Variants in ARMC2 observed in about 807,000 individuals in gnomAD.
The protein encoded by ARMC2 is armadillo repeat containing 2, also known as armadillo repeat-containing protein 2.
ARMC2 carries 67 observed loss-of-function variants against 90.3 expected under a neutral mutation model. That is an observed-to-expected ratio of 0.74 (90% CI 0.61 to 0.91). The LOEUF (loss-of-function observed/expected upper bound fraction) is 0.91, where lower values mean the gene tolerates loss of function less well. Among genes scored for constraint, ARMC2 ranks in the 40% least tolerant of loss-of-function variants. The pLI is 0.00. For synonymous variants in ARMC2, 393 were observed against 393.0 expected (o/e 1.00, Z 0.00); for missense variants, 920 against 1,030.9 (o/e 0.89, Z 1.47).
At chr6:108,918,653 C>G (rs1239465857) in intron 10 of ARMC2, among the ~76,000 whole-genome samples, 1 of 152,170 alleles carries the variant, frequency 6.6e-6, no homozygotes, top group Middle Eastern at 3.2e-3. Context: ...GTGAGGATAG[C>G]ACCGCACTGG....
chr6:108,896,160 T>C (rs1361762172), intron 6 of ARMC2, among the ~76,000 whole-genome samples: 1 of 152,238 alleles, frequency 6.6e-6, no homozygotes, highest in African/African-American at 2.4e-5. Flanking sequence ...ATTTTACATT[T>C]ACGTGCTAAA....
intron 1 of ARMC2, among the ~76,000 whole-genome samples, chr6:108,853,243 T>C (rs1226934113): frequency 6.6e-6 from 1 of 152,170 alleles, no homozygotes; most frequent in Non-Finnish European, 1.5e-5. Flanking sequence ...GAAACAAATG[T>C]TCTTATTGTC....
At chr6:109,016,291 A>G in the ARMC2 span, among the ~76,000 whole-genome samples, 1 of 152,146 alleles carries the variant, frequency 6.6e-6, no homozygotes, top group African/African-American at 2.4e-5. Flanking sequence ...TGCCTTCCCT[A>G]TCCATGCCTC....
the ARMC2 span, among the ~76,000 whole-genome samples, chr6:109,039,264 A>G: frequency 6.6e-6 from 1 of 152,208 alleles, no homozygotes. Context: ...AATTTTGCCT[A>G]CTTCACAAAT....
At chr6:108,960,825 G>A (rs576040974) in intron 13 of ARMC2, among the ~76,000 whole-genome samples, 4 of 152,314 alleles carry the variant, frequency 2.6e-5, no homozygotes, top group African/African-American at 7.2e-5. Flanking sequence ...GCAGGGGCAT[G>A]CTGGCATATT....
At chr6:109,028,998 GTTCAC>G in the ARMC2 span, among the ~76,000 whole-genome samples, 1 of 152,124 alleles carries the variant, frequency 6.6e-6, no homozygotes, top group Non-Finnish European at 1.5e-5. Flanking sequence ...AGTCTAAATT[GTTCAC>G]TTCATAAGTA....
rs977696265 is a variant in ARMC2 at position 108,889,523 on chromosome 6, C to T, written c.672-4944C>T. Among the ~76,000 whole-genome samples the T allele has an allele frequency of 5.3e-5, 8 of 150,434 alleles. No individual in the cohort carries two copies. In the East Asian group the frequency reaches 5.9e-4, roughly 11 times the overall value. ...TGGCACAATCACAGCTCACTGCAGC[C>T]TCGACCTTCTGGGCTCAAGCGATCC... On this transcript the variant is annotated intron_variant, in intron 5 of 17. Transcript: ENST00000392644.
chr6:109,034,516 T>C, the ARMC2 span, among the ~76,000 whole-genome samples: 6 of 152,216 alleles, frequency 3.9e-5, no homozygotes, highest in Non-Finnish European at 1.5e-5. Context: ...TAGAAATGTG[T>C]AGTTTCCCTA....
intron 12 of ARMC2, among the ~76,000 whole-genome samples, chr6:108,948,678 GCTT>G (rs956672664): frequency 6.6e-6 from 1 of 151,684 alleles, no homozygotes; most frequent in African/African-American, 2.4e-5. Flanking sequence ...ACAGCCTAGA[GCTT>G]CTTCTTCTGC....
chr6:109,022,475 T>C, the ARMC2 span, among the ~76,000 whole-genome samples: 1 of 130,032 alleles, frequency 7.7e-6, no homozygotes, highest in Non-Finnish European at 1.5e-5. Flanking sequence ...CAGGCTGGAG[T>C]GCAGTGGCGC....
chr6:108,913,450 A>G (rs2128473442), intron 10 of ARMC2, among the ~76,000 whole-genome samples: 1 of 152,340 alleles, frequency 6.6e-6, no homozygotes, highest in East Asian at 1.9e-4. Flanking sequence ...TTTAGTCATC[A>G]ATGATGCACA....
chr6:109,017,379 G>A, the ARMC2 span, among the ~76,000 whole-genome samples: 2 of 152,036 alleles, frequency 1.3e-5, no homozygotes, highest in African/African-American at 2.4e-5. Context: ...TCCACTGCCC[G>A]GGTTCACACC....
intron 3 of ARMC2, among the ~76,000 whole-genome samples, chr6:108,861,626 C>T (rs1044024122): frequency 7.9e-5 from 12 of 152,162 alleles, no homozygotes; most frequent in Admixed American, 3.9e-4. Flanking sequence ...ATAGCAAGCA[C>T]GAACCAATAT....
chr6:109,042,137 T>TA, the ARMC2 span, among the ~76,000 whole-genome samples: 1 of 151,996 alleles, frequency 6.6e-6, no homozygotes, highest in African/African-American at 2.4e-5. Context: ...CGGGGAGATT[T>TA]AAAAAATATA....
the ARMC2 span, among the ~76,000 whole-genome samples, chr6:109,021,939 A>G: frequency 6.6e-6 from 1 of 152,180 alleles, no homozygotes; most frequent in South Asian, 2.1e-4. Context: ...CATATACTAT[A>G]TCTAAAGGAT....
the ARMC2 span, among the ~76,000 whole-genome samples, chr6:108,979,836 G>T: frequency 6.6e-6 from 1 of 151,668 alleles, no homozygotes; most frequent in Non-Finnish European, 1.5e-5. Context: ...GTGTTTTTCA[G>T]TTCCATCAGG....
At chr6:108,934,710 T>C (rs937733550) in intron 11 of ARMC2, among the ~76,000 whole-genome samples, 3 of 152,238 alleles carry the variant, frequency 2.0e-5, no homozygotes, top group Admixed American at 6.5e-5. Flanking sequence ...TCATTTCTAC[T>C]TGGTTCAGTT....
At chr6:108,867,255 A>G (rs1775910115) in intron 3 of ARMC2, among the ~76,000 whole-genome samples, 1 of 152,190 alleles carries the variant, frequency 6.6e-6, no homozygotes, top group South Asian at 2.1e-4. Flanking sequence ...CTAGGAGCTG[A>G]GTCACCCTGT....
intron 17 of ARMC2, among the ~76,000 whole-genome samples, chr6:108,971,741 G>C (rs977020887): frequency 7.2e-5 from 11 of 151,970 alleles, no homozygotes; most frequent in Non-Finnish European, 1.3e-4. Context: ...GGCCAACATG[G>C]TAAAACTCTG....
Sources: allele counts gnomAD v4.1 joint callset (sites outside exome capture counted in the v4.1 genomes callset), GRCh38; gene constraint gnomAD v4.1.1; transcripts MANE v1.5; gene names NCBI Gene and HGNC (gene_info 2026-07-23, HGNC 2026-07-21).